NAF1: variants seen among roughly 807,000 people sequenced by gnomAD.
NAF1 encodes the protein H/ACA ribonucleoprotein complex non-core subunit NAF1.
In NAF1, 11 loss-of-function variants were observed where a neutral mutation model predicts 40.6. The observed-to-expected ratio is 0.27, with a 90% CI of 0.17 to 0.45. The LOEUF is 0.45. NAF1 is among the 20% of genes least tolerant of loss of function. The pLI is 1.00. For missense variants in NAF1, 607 were observed against 611.1 expected (o/e 0.99, Z 0.07); for synonymous variants, 260 against 228.5 (o/e 1.14, Z -1.24).
intron 2 of NAF1, among the ~76,000 whole-genome samples, chr4:163,115,398 CG>C (rs1730304085): frequency 6.6e-6 from 1 of 151,566 alleles, no homozygotes. Context: ...TTAGTAGAGA[CG>C]GGGTTTCACC....
intron 5 of NAF1, among the ~76,000 whole-genome samples, chr4:163,139,192 C>T (rs1028665814): frequency 3.3e-5 from 5 of 152,072 alleles, no homozygotes; most frequent in African/African-American, 1.2e-4. Flanking sequence ...GTACCTTTGA[C>T]ATAATACCAA....
rs893397582 is a variant in NAF1 at position 163,141,788 on chromosome 4, A to T, written c.718-1405T>A. 34 of 219,950 alleles carry T rather than the reference A, an allele frequency of 1.5e-4. 1 individual carries two copies. In the Admixed American group the frequency reaches 2.2e-3, roughly 14 times the overall value. The allele number at this position is 219,950 out of a possible 1,614,324, so 13.6% of individuals were successfully genotyped here. A position where few individuals can be genotyped will look rare whatever the true frequency, so the allele number is the denominator to read the frequency against. ...AATAGCTTTCTAAATAGCTTGGACC[A>T]ATTTATACCAACTGCATTGAACATG... On this transcript the variant is annotated intron_variant, in intron 4 of 7. Transcript: ENST00000274054.
chr4:163,140,699 T>C (rs989815061), intron 4 of NAF1, among the ~76,000 whole-genome samples: 1 of 152,220 alleles, frequency 6.6e-6, no homozygotes, highest in Admixed American at 6.5e-5. Context: ...TTTTAAATTA[T>C]TGCTCATTTA....
At chr4:163,137,417 C>G (rs1220592585) in intron 5 of NAF1, among the ~76,000 whole-genome samples, 167 bp from the exon 6 acceptor site, 3 of 152,048 alleles carry the variant, frequency 2.0e-5, no homozygotes, top group Admixed American at 6.6e-5. Context: ...TGGGAAGCTC[C>G]TAAGAAAAAC....
At position 163,133,677 on chromosome 4, in the gene NAF1, G is replaced by A. The variant is rs192133982; in HGVS notation, c.931-421C>T. The A allele has an allele frequency of 1.2e-3, 185 of 154,744 alleles. 1 individual carries two copies. Among genetic ancestry groups the A allele is most frequent in the Non-Finnish European group, 1.7e-3 (116 of 69,796 alleles). 9.6% of individuals were successfully genotyped at this position (154,744 alleles called of 1,614,324 possible). ...AAGCACTGTTCTAAACATTTCACAG[G>A]TTCATTCTTTACAGGTTTACCATCT... is the stretch of plus-strand genomic sequence containing the variant. On this transcript the variant is annotated intron_variant, in intron 6 of 7. Coordinates refer to ENST00000274054, the MANE Select transcript of NAF1 (RefSeq NM_138386.3).
chr4:163,146,289 A>G (rs747124513), intron 3 of NAF1, among the ~76,000 whole-genome samples: 8 of 152,236 alleles, frequency 5.3e-5, no homozygotes, highest in African/African-American at 9.6e-5. Flanking sequence ...AGTTACTGGT[A>G]TATGAAAAAG....
chr4:163,166,522 G>A lies in NAF1; in HGVS notation c.206C>T (p.Pro69Leu). The change falls in exon 1 of 8, where the codon CCC (proline) becomes CTC (leucine). Residue 69 changes from proline (P) to leucine (L), a missense_variant. This residue lies in a region of NAF1 where 407 missense variants were observed against 365.5 expected (regional missense o/e 1.11). Transcript: ENST00000274054. The part of the protein sequence containing the change: ...VKPAGEQPLQ[P>L]VLNAVAAGTP... ...CCCGGCCGCGACGGCGTTCAGAACG[G>A]GCTGCAGAGGCTGCTCCCCGGCAGG... is the stretch of plus-strand genomic sequence containing the variant. 1 of 1,592,126 alleles carries A rather than the reference G, an allele frequency of 6.3e-7. No individual in the cohort carries two copies. The highest frequency in any genetic ancestry group is 8.5e-7 in the Non-Finnish European group (1 of 1,169,706).
intron 2 of NAF1, among the ~76,000 whole-genome samples, chr4:163,120,206 A>AAGCTGCAATAATAAAAGGTTTAAAG (rs1305973902): frequency 6.6e-6 from 1 of 152,198 alleles, no homozygotes; most frequent in African/African-American, 2.4e-5. Context: ...AACACTTGAA[A>AAGCTGCAATAATAAAAGGTTTAAAG]AGCTGCAATA....
Position 163,137,256 on chromosome 4 carries a change from T to C in NAF1, c.879-6A>G, listed in dbSNP as rs773679342. 68 of 1,605,326 alleles carry C rather than the reference T, an allele frequency of 4.2e-5. No individual in the cohort carries two copies. The highest frequency in any genetic ancestry group is 8.5e-7 in the Non-Finnish European group (1 of 1,174,826). ...ATGCATCTGATCCCTTATCCCTGAG[T>C]GGGGTGGGGATGGGAGTCAAAAAAG... is the stretch of plus-strand genomic sequence containing the variant. On this transcript the variant is annotated splice_polypyrimidine_tract_variant and splice_region_variant and intron_variant, in intron 5 of 7. Transcript: ENST00000274054.
At chr4:163,165,666 C>G (rs1033452177) in intron 1 of NAF1, among the ~76,000 whole-genome samples, 7 of 150,678 alleles carry the variant, frequency 4.6e-5, no homozygotes, top group African/African-American at 1.5e-4. Context: ...TTCAGTACCC[C>G]ACTCAACACA....
At chr4:163,154,096 T>A (rs1057063969) in intron 2 of NAF1, among the ~76,000 whole-genome samples, 4 of 151,518 alleles carry the variant, frequency 2.6e-5, no homozygotes, top group Admixed American at 1.3e-4. Flanking sequence ...TCCGAACACA[T>A]CTGAACATCA....
At chr4:163,115,145 AT>A (rs1234745400) in intron 2 of NAF1, among the ~76,000 whole-genome samples, 3 of 149,244 alleles carry the variant, frequency 2.0e-5, no homozygotes, top group African/African-American at 7.4e-5. Flanking sequence ...AAGACTCTAC[AT>A]TTTTTCTGTT....
chr4:163,128,714 G>A lies in NAF1; in HGVS notation c.*183C>T. On this transcript the variant is annotated 3_prime_UTR_variant, in exon 8 of 8. Coordinates refer to ENST00000274054, the MANE Select transcript of NAF1 (RefSeq NM_138386.3). ...ATTTAATGTTCTCCCAAGAATTTGA[G>A]CTGACATTTTCATATGAATACAATT... 1 of 1,116,136 alleles carries A rather than the reference G, an allele frequency of 9.0e-7. No individual in the cohort carries two copies. The highest frequency in any genetic ancestry group is 1.1e-6 in the Non-Finnish European group (1 of 878,344). The allele number at this position is 1,116,136 out of a possible 1,614,324, so 69.1% of individuals were successfully genotyped here. A position where few individuals can be genotyped will look rare whatever the true frequency, so the allele number is the denominator to read the frequency against.
In NAF1 at chr4:163,129,186, T is replaced by A. The variant is rs768188406; in HGVS notation, c.1196A>T (p.Glu399Val). 1 of 1,613,968 alleles carries A rather than the reference T, an allele frequency of 6.2e-7. No individual in the cohort carries two copies. Among genetic ancestry groups the A allele is most frequent in the South Asian group, 1.1e-5 (1 of 91,084 alleles). The change falls in exon 8 of 8, where the codon GAA becomes GTA. Residue 399 changes from glutamate (E) to valine (V), a missense_variant. Physicochemically the swap from Glu to Val is moderately radical, Grantham distance 121 (BLOSUM62 -2). Coordinates refer to ENST00000274054, the MANE Select transcript of NAF1 (RefSeq NM_138386.3). ...RPPPQHFYNS[E>V]HMVSQETSGF... is the part of the protein sequence containing the mutation. Reference sequence around the variant, plus strand: ...TGAAGTCTCCTGAGATACCATATGTTCTGAGTTATAGAAATGCTGAGGTGG... The same window carrying A: ...TGAAGTCTCCTGAGATACCATATGTACTGAGTTATAGAAATGCTGAGGTGG...
At chr4:163,160,618 A>G (rs1732179327) in intron 2 of NAF1, among the ~76,000 whole-genome samples, 1 of 152,152 alleles carries the variant, frequency 6.6e-6, no homozygotes, top group Non-Finnish European at 1.5e-5. Flanking sequence ...TGGAGGTAAA[A>G]ATTAAGCTAA....
downstream of NAF1, chr4:163,127,126 GA>G: frequency 1.3e-6 from 2 of 1,549,462 alleles, no homozygotes; most frequent in Non-Finnish European, 1.7e-6. Context: ...CTGGGGTAAA[GA>G]AATGGACAGA....
At chr4:163,149,329 T>C (rs980713677) in intron 2 of NAF1, among the ~76,000 whole-genome samples, 3 of 152,088 alleles carry the variant, frequency 2.0e-5, no homozygotes, top group African/African-American at 7.2e-5. Flanking sequence ...AGGATAACTT[T>C]TGGAGAAATG....
chr4:163,125,316 A>C (rs1730624036), downstream of NAF1, among the ~76,000 whole-genome samples: 1 of 152,270 alleles, frequency 6.6e-6, no homozygotes, highest in Non-Finnish European at 1.5e-5. Context: ...GCAAACTAAA[A>C]GCTAGGCCTC....
chr4:163,117,680 TAC>T (rs55869899), intron 2 of NAF1, among the ~76,000 whole-genome samples: 4,895 of 134,858 alleles, frequency 0.036, 103 homozygotes, highest in African/African-American at 0.041. Flanking sequence ...CTGGAAGCAA[TAC>T]ACACACACAC....
Sources: gnomAD v4.1 joint callset for allele counts (sites outside exome capture counted in the v4.1 genomes callset) on GRCh38, gnomAD v4.1.1 for gene constraint, gnomAD v4.1.1 regional missense constraint, MANE v1.5 for transcripts, NCBI Gene and HGNC (gene_info 2026-07-23, HGNC 2026-07-21) for gene names.